CDH13: variants seen among roughly 807,000 people sequenced by gnomAD.
The protein encoded by CDH13 is cadherin 13, also known as cadherin-13.
CDH13 carries 24 observed loss-of-function variants against 63.8 expected under a neutral mutation model. That is an observed-to-expected ratio of 0.38 (90% CI 0.27 to 0.53). The LOEUF (loss-of-function observed/expected upper bound fraction) is 0.53. Among genes scored for constraint, CDH13 ranks in the 20% least tolerant of loss-of-function variants. CDH13 has a pLI of 0.85. For synonymous variants in CDH13, 503 were observed against 355.3 expected, an observed-to-expected ratio of 1.42 and a Z score of -4.67; for missense variants, 1,049 against 903.1, an observed-to-expected ratio of 1.16 and a Z score of -2.07.
At chr16:82,746,386 A>G (rs1360104090) in intron 1 of CDH13, among the ~76,000 whole-genome samples, 1 of 152,056 alleles carries the variant, frequency 6.6e-6, no homozygotes, top group Non-Finnish European at 1.5e-5. Flanking sequence ...CAAACCTGAG[A>G]TGCTTTTATC....
At chr16:83,773,195 A>G (rs1230147366) in intron 11 of CDH13, among the ~76,000 whole-genome samples, 1 of 152,190 alleles carries the variant, frequency 6.6e-6, no homozygotes, top group Admixed American at 6.5e-5. Flanking sequence ...AAAACTAGCA[A>G]CAGGTTGGAA....
chr16:82,756,377 T>G (rs1349719128), intron 1 of CDH13, among the ~76,000 whole-genome samples: 1 of 152,126 alleles, frequency 6.6e-6, no homozygotes, highest in Non-Finnish European at 1.5e-5. Flanking sequence ...ATAGTAAGAA[T>G]AATAATAGCC....
intron 5 of CDH13, among the ~76,000 whole-genome samples, chr16:83,230,303 A>G (rs2039966853): frequency 6.6e-6 from 1 of 152,046 alleles, no homozygotes; most frequent in African/African-American, 2.4e-5. Flanking sequence ...TAAAAAGGAG[A>G]TATATTTAGA....
intron 5 of CDH13, among the ~76,000 whole-genome samples, chr16:83,294,746 G>T (rs1048474670): frequency 6.6e-6 from 1 of 151,752 alleles, no homozygotes; most frequent in Non-Finnish European, 1.5e-5. Context: ...AAAAATAAAT[G>T]GAAAGACATC....
intron 3 of CDH13, among the ~76,000 whole-genome samples, chr16:83,090,445 A>G (rs12927301): frequency 0.52 from 78,465 of 151,468 alleles, 20,575 homozygotes; most frequent in Middle Eastern, 0.61. Flanking sequence ...ATGGTGGTGC[A>G]CCCCTGTAAT....
chr16:83,267,345 G>T (rs1247571864), intron 5 of CDH13, among the ~76,000 whole-genome samples: 1 of 152,120 alleles, frequency 6.6e-6, no homozygotes. Flanking sequence ...ATTATCCTCA[G>T]GCTAATTCAC....
intron 5 of CDH13, among the ~76,000 whole-genome samples, chr16:83,243,340 T>C (rs1484233090): frequency 1.3e-5 from 2 of 152,210 alleles, no homozygotes; most frequent in Non-Finnish European, 2.9e-5. Flanking sequence ...GAGGCACATC[T>C]TACATGGCGG....
intron 6 of CDH13, among the ~76,000 whole-genome samples, chr16:83,371,239 A>G (rs908966588): frequency 6.6e-5 from 10 of 152,236 alleles, no homozygotes; most frequent in South Asian, 6.2e-4. Flanking sequence ...TTTTAATTCT[A>G]TTTTCTGTTG....
chr16:83,226,614 T>G (rs1431817847), intron 5 of CDH13, among the ~76,000 whole-genome samples: 1 of 152,222 alleles, frequency 6.6e-6, no homozygotes, highest in Non-Finnish European at 1.5e-5. Context: ...TACTTCATCA[T>G]GCTGATTCTT....
chr16:83,294,115 A>G (rs939451202), intron 5 of CDH13, among the ~76,000 whole-genome samples: 1 of 152,116 alleles, frequency 6.6e-6, no homozygotes, highest in African/African-American at 2.4e-5. Context: ...CTTTTCTAAA[A>G]TTGACATAAA....
intron 10 of CDH13, among the ~76,000 whole-genome samples, chr16:83,712,761 ACT>A (rs778568520): frequency 2.0e-5 from 3 of 152,128 alleles, no homozygotes; most frequent in Non-Finnish European, 4.4e-5. Context: ...AAGTGACTAG[ACT>A]CTCTGTTTAG....
chr16:83,695,495 C>T (rs1016059485), intron 10 of CDH13, among the ~76,000 whole-genome samples: 14 of 152,246 alleles, frequency 9.2e-5, no homozygotes, highest in Non-Finnish European at 1.6e-4. Context: ...GTGGACTAGG[C>T]GAAAGCAGGT....
intron 1 of CDH13, among the ~76,000 whole-genome samples, chr16:82,745,505 G>C (rs1349608338): frequency 2.0e-5 from 3 of 152,146 alleles, no homozygotes; most frequent in Non-Finnish European, 4.4e-5. Context: ...TCAGGAGGCT[G>C]AGGCAGGAGA....
chr16:83,637,394 A>G (rs1483678647), intron 8 of CDH13, among the ~76,000 whole-genome samples: 2 of 60,068 alleles, frequency 3.3e-5, no homozygotes, highest in Admixed American at 1.9e-4. Context: ...GGAGTGCCAG[A>G]CAGTGGGCGC....
intron 1 of CDH13, among the ~76,000 whole-genome samples, chr16:82,695,545 G>A (rs564988738): frequency 1.5e-4 from 23 of 152,240 alleles, no homozygotes; most frequent in South Asian, 1.0e-3. Context: ...TGCTCCTAAC[G>A]TAGCTTTGGA....
At chr16:82,999,215 G>A (rs1236209405) in intron 2 of CDH13, among the ~76,000 whole-genome samples, 1 of 151,942 alleles carries the variant, frequency 6.6e-6, no homozygotes, top group African/African-American at 2.4e-5. Flanking sequence ...CCTTATTGTA[G>A]ATACTCCTTA....
At chr16:83,320,466 G>T (rs138382851) in intron 5 of CDH13, among the ~76,000 whole-genome samples, 10 of 152,278 alleles carry the variant, frequency 6.6e-5, no homozygotes, top group African/African-American at 2.4e-4. Context: ...CTGGACACAG[G>T]ATGAAACAGT....
chr16:83,738,689 C>G (rs1252463565), intron 10 of CDH13, among the ~76,000 whole-genome samples: 2 of 152,142 alleles, frequency 1.3e-5, no homozygotes, highest in Non-Finnish European at 2.9e-5. Flanking sequence ...AGGTGGATCA[C>G]AAGGTCAGGA....
chr16:83,706,715 C>T (rs779013359), intron 10 of CDH13, among the ~76,000 whole-genome samples: 5 of 152,076 alleles, frequency 3.3e-5, no homozygotes, highest in Non-Finnish European at 7.4e-5. Context: ...ACACACAAGA[C>T]ATAGAGAAGC....
Sources: allele counts gnomAD v4.1 joint callset (sites outside exome capture counted in the v4.1 genomes callset), GRCh38; gene constraint gnomAD v4.1.1; transcripts MANE v1.5; gene names NCBI Gene and HGNC (gene_info 2026-07-23, HGNC 2026-07-21).